CPLX2: variants seen among roughly 807,000 people sequenced by gnomAD.
The protein encoded by CPLX2 is complexin 2.
In CPLX2, 5 loss-of-function variants were observed where a neutral mutation model predicts 16.3. The observed-to-expected ratio is 0.31, with a 90% CI of 0.16 to 0.64. CPLX2 has a LOEUF of 0.64. Among genes scored for constraint, CPLX2 ranks in the 30% least tolerant of loss-of-function variants. The pLI is 0.79. For synonymous variants in CPLX2, 89 were observed against 73.2 expected (o/e 1.22, Z -1.10); for missense variants, 144 against 181.4 (o/e 0.79, Z 1.18).
At chr5:175,873,121 C>T (rs1445770645) in intron 1 of CPLX2, 1 of 144,762 alleles carries the variant, frequency 6.9e-6, no homozygotes, top group Non-Finnish European at 1.5e-5. Flanking sequence ...CCACCCCCAC[C>T]CTCACCCCCC....
intron 2 of CPLX2, among the ~76,000 whole-genome samples, chr5:175,858,353 C>T (rs917864344): frequency 3.3e-5 from 5 of 152,226 alleles, no homozygotes; most frequent in African/African-American, 1.2e-4. Flanking sequence ...CCCCCTGCAG[C>T]GGGCAGGCCC....
At chr5:175,796,949 G>C (rs1757989148) in intron 1 of CPLX2, among the ~76,000 whole-genome samples, 1 of 151,990 alleles carries the variant, frequency 6.6e-6, no homozygotes, top group Non-Finnish European at 1.5e-5. Context: ...CGGCTCTTCC[G>C]GGGCGAGGCA....
rs1232539503 is a variant in CPLX2, at chr5:175,880,826, C to G, written c.*781C>G. The G allele has an allele frequency of 6.5e-6, 1 of 153,004 alleles. No individual in the cohort carries two copies. The highest frequency in any genetic ancestry group is 2.4e-5 in the African/African-American group (1 of 41,568). The allele number at this position is 153,004 out of a possible 1,614,324, so 9.5% of individuals were successfully genotyped here. On this transcript the variant is annotated 3_prime_UTR_variant, in exon 4 of 4. Coordinates refer to ENST00000393745, the MANE Select transcript of CPLX2 (RefSeq NM_001008220.2). Reference sequence around the variant, plus strand: ...CTTGCTCAGTCAAGGGGCTGCCAGGCCCCCAGAAAACACTTGGAGCCATCG... The same window carrying G: ...CTTGCTCAGTCAAGGGGCTGCCAGGGCCCCAGAAAACACTTGGAGCCATCG...
At chr5:175,805,569 TG>T (rs1758183025) in intron 1 of CPLX2, 1 of 152,350 alleles carries the variant, frequency 6.6e-6, no homozygotes. Flanking sequence ...CTCACCTGGT[TG>T]GCCAGCCTCC....
At chr5:175,828,866 G>T (rs1055649516) in intron 2 of CPLX2, among the ~76,000 whole-genome samples, 3 of 152,218 alleles carry the variant, frequency 2.0e-5, no homozygotes, top group Non-Finnish European at 4.4e-5. Context: ...GGCAGCTTCT[G>T]TCTGTGCCTT....
At chr5:175,866,085 T>C (rs1015191493) in intron 2 of CPLX2, among the ~76,000 whole-genome samples, 4 of 152,118 alleles carry the variant, frequency 2.6e-5, no homozygotes, top group Admixed American at 6.6e-5. Context: ...GTTTCACTGG[T>C]GGAGAGGAAA....
At chr5:175,840,066 A>C (rs1373264855) in intron 2 of CPLX2, among the ~76,000 whole-genome samples, 1 of 152,242 alleles carries the variant, frequency 6.6e-6, no homozygotes, top group African/African-American at 2.4e-5. Context: ...CAGAAAGGCC[A>C]AATTTATCCA....
At chr5:175,875,741 G>C (rs1372454082) in intron 1 of CPLX2, among the ~76,000 whole-genome samples, 1 of 152,156 alleles carries the variant, frequency 6.6e-6, no homozygotes, top group African/African-American at 2.4e-5. Flanking sequence ...GGTTGGGAGA[G>C]TGTAGACAGA....
intron 2 of CPLX2, among the ~76,000 whole-genome samples, chr5:175,842,515 T>C (rs888377477): frequency 6.6e-6 from 1 of 152,242 alleles, no homozygotes; most frequent in African/African-American, 2.4e-5. Flanking sequence ...TTCCTGATTG[T>C]GCCTTCCTCC....
chr5:175,879,595 TG>T (rs1561793641), intron 3 of CPLX2: 1 of 625,950 alleles, frequency 1.6e-6, no homozygotes, highest in Non-Finnish European at 2.9e-6. Context: ...TTCAGATCTT[TG>T]GGGGTTTCAA....
chr5:175,804,612 G>A (rs917647116), intron 1 of CPLX2, among the ~76,000 whole-genome samples: 16 of 152,188 alleles, frequency 1.1e-4, no homozygotes, highest in East Asian at 1.9e-4. Context: ...TCCACGGACC[G>A]GCAACATCAA....
At chr5:175,870,715 C>A (rs1759571231), upstream of CPLX2, among the ~76,000 whole-genome samples, 1 of 152,194 alleles carries the variant, frequency 6.6e-6, no homozygotes, top group Non-Finnish European at 1.5e-5. Flanking sequence ...CTTTTACTTT[C>A]TTGGGCATAG....
chr5:175,833,907 T>C (rs1357243623), intron 2 of CPLX2, among the ~76,000 whole-genome samples: 2 of 152,164 alleles, frequency 1.3e-5, no homozygotes, highest in African/African-American at 4.8e-5. Context: ...TGGGGACCCA[T>C]CTAACCTGGA....
intron 2 of CPLX2, among the ~76,000 whole-genome samples, chr5:175,818,720 G>T (rs2113641869): frequency 1.6e-5 from 2 of 128,954 alleles, no homozygotes; most frequent in South Asian, 5.4e-4. Context: ...GGAGTGTAGT[G>T]ATGCGATCTC....
At chr5:175,831,016 C>T (rs1031647030) in intron 2 of CPLX2, among the ~76,000 whole-genome samples, 8 of 152,154 alleles carry the variant, frequency 5.3e-5, no homozygotes, top group African/African-American at 1.9e-4. Flanking sequence ...AGCTGAGTGT[C>T]TCCATATCCT....
intron 2 of CPLX2, among the ~76,000 whole-genome samples, chr5:175,842,246 A>G (rs971025641): frequency 6.6e-6 from 1 of 152,226 alleles, no homozygotes; most frequent in South Asian, 2.1e-4. Flanking sequence ...GCAGGTGGTA[A>G]TCATTTCCTC....
intron 1 of CPLX2, among the ~76,000 whole-genome samples, chr5:175,877,920 C>A (rs1755439810): frequency 6.6e-6 from 1 of 152,296 alleles, no homozygotes; most frequent in Non-Finnish European, 1.5e-5. Flanking sequence ...GCCTGCAAGG[C>A]CCGTGCTAGG....
intron 2 of CPLX2, among the ~76,000 whole-genome samples, chr5:175,834,726 T>C (rs762922995): frequency 7.9e-5 from 12 of 152,060 alleles, no homozygotes; most frequent in Non-Finnish European, 1.6e-4. Context: ...TACAAAAAAT[T>C]AGCCAGGCAT....
rs1018430893 is a variant in CPLX2 at position 175,875,192 on chromosome 5, C to T, written c.-88-3460C>T. 2.0e-5 allele frequency among the ~76,000 whole-genome samples: 3 copies of T among 151,702 alleles called. No individual in the cohort carries two copies. In the South Asian group the frequency reaches 6.3e-4, roughly 32 times the overall value. On this transcript the variant is annotated intron_variant, in intron 1 of 3. Transcript: ENST00000393745. ...ATACCATGTGGAGATCACTTCATCA[C>T]AAAGTGAGAGGGGTGGGATTAAGGG...
Sources: allele counts gnomAD v4.1 joint callset (sites outside exome capture counted in the v4.1 genomes callset), GRCh38; gene constraint gnomAD v4.1.1; transcripts MANE v1.5; gene names NCBI Gene and HGNC (gene_info 2026-07-23, HGNC 2026-07-21).